TXNRD1: variants seen among roughly 807,000 people sequenced by gnomAD.
TXNRD1 encodes thioredoxin reductase 1.
In TXNRD1, 57 loss-of-function variants were observed where a neutral mutation model predicts 80.3. The observed-to-expected ratio is 0.71, with a 90% confidence interval of 0.57 to 0.89. TXNRD1 has a LOEUF of 0.89. TXNRD1 is among the 40% of genes least tolerant of loss of function. The probability of loss-of-function intolerance (pLI) is 0.00; values close to 1 mark genes in which losing one functional copy is unlikely to be tolerated. For missense variants in TXNRD1, 730 were observed against 803.0 expected (o/e 0.91, Z 1.10); for synonymous variants, 291 against 285.2 (o/e 1.02, Z -0.20).
chr12:104,243,242 T>G (rs2032912506), intron 1 of TXNRD1, among the ~76,000 whole-genome samples: 1 of 152,196 alleles, frequency 6.6e-6, no homozygotes, highest in Admixed American at 6.5e-5. Flanking sequence ...AGAAATTCAT[T>G]ATCATGTCCT....
At chr12:104,268,050 C>T (rs2033572652) in intron 3 of TXNRD1, among the ~76,000 whole-genome samples, 1 of 151,430 alleles carries the variant, frequency 6.6e-6, no homozygotes, top group Non-Finnish European at 1.5e-5. Context: ...AGGGTTTCAT[C>T]ATGTTGTCCA....
chr12:104,291,119 A>G (rs2034190600), intron 4 of TXNRD1: 1 of 629,442 alleles, frequency 1.6e-6, no homozygotes, highest in Non-Finnish European at 2.8e-6. Flanking sequence ...AGTGCCATGA[A>G]TGAAAAGCAT....
chr12:104,333,405 ATTAC>A (rs1372253263), intron 14 of TXNRD1, among the ~76,000 whole-genome samples: 2 of 152,014 alleles, frequency 1.3e-5, no homozygotes, highest in Admixed American at 1.3e-4. Flanking sequence ...AGAGGAAACA[ATTAC>A]TTATGGAGTT....
chr12:104,290,753 A>ATATATATATATG (rs1315195074), intron 4 of TXNRD1, among the ~76,000 whole-genome samples: 99 of 113,954 alleles, frequency 8.7e-4, no homozygotes, highest in Non-Finnish European at 1.5e-3. Context: ...ATATATATAT[A>ATATATATATATG]TATATGTATA....
In TXNRD1 at chr12:104,255,983, G is replaced by C. The variant is rs959617000; in HGVS notation, c.244-2036G>C. 7.8e-4 allele frequency among the ~76,000 whole-genome samples: 118 copies of C among 152,186 alleles called. 1 individual carries two copies. Among genetic ancestry groups the C allele is most frequent in the Non-Finnish European group, 1.0e-3 (68 of 68,032 alleles). On this transcript the variant is annotated intron_variant, in intron 2 of 16. Coordinates refer to ENST00000525566, the MANE Select transcript of TXNRD1 (RefSeq NM_001093771.3). ...GTCTTTGGCCATGAAAGATGATTAG[G>C]TGCTTTTCCTGGTAAAGTGGTGAAT...
chr12:104,220,743 TGG>T (rs1472326774), intron 1 of TXNRD1, among the ~76,000 whole-genome samples: 2 of 7,786 alleles, frequency 2.6e-4, no homozygotes, highest in African/African-American at 2.4e-3. Flanking sequence ...AAAAAAACGG[TGG>T]GGGGGAGGCG....
chr12:104,314,747 T>C (rs2035261954), intron 6 of TXNRD1, among the ~76,000 whole-genome samples: 4 of 145,962 alleles, frequency 2.7e-5, no homozygotes, highest in Admixed American at 1.4e-4. Flanking sequence ...TCTTTTTTTT[T>C]TTTTTTTTTT....
At chr12:104,336,485 T>C (rs1397314342) in intron 15 of TXNRD1, among the ~76,000 whole-genome samples, 1 of 152,246 alleles carries the variant, frequency 6.6e-6, no homozygotes, top group Admixed American at 6.5e-5. Context: ...GTCACTTGAC[T>C]TCAGTGTCTA....
In TXNRD1 at chr12:104,215,925, G is replaced by A. The variant is rs1475378515; in HGVS notation, c.91+32G>A. On this transcript the variant is annotated intron_variant, in intron 1 of 16. Transcript: ENST00000525566. ...CCGAGGGCGAAGGCCTGGTCCCCAG[G>A]TCGACGGGCCGAAGCGGGCCTTCCG... is the stretch of plus-strand genomic sequence containing the variant. 13 of 1,530,186 alleles carry A rather than the reference G, an allele frequency of 8.5e-6. No homozygotes were observed. In the South Asian group the frequency reaches 1.3e-4, roughly 16 times the overall value. 94.8% of individuals were successfully genotyped at this position (1,530,186 alleles called of 1,614,324 possible).
intron 2 of TXNRD1, among the ~76,000 whole-genome samples, chr12:104,253,692 GT>G (rs993365928): frequency 7.3e-5 from 11 of 151,644 alleles, no homozygotes; most frequent in African/African-American, 2.2e-4. Context: ...CTTATTGAGG[GT>G]TTTTTTGTTT....
rs188277374 is a variant in TXNRD1 at position 104,338,235 on chromosome 12, C to T, written c.1747-904C>T. On this transcript the variant is annotated intron_variant, in intron 15 of 16. Coordinates refer to ENST00000525566, the MANE Select transcript of TXNRD1 (RefSeq NM_001093771.3). ...TCCAGAACATTTTGGTGATTAAAGA[C>T]TTGTAGGCATCTTTGCCTTTTGTAT... 4.6e-5 allele frequency among the ~76,000 whole-genome samples: 7 copies of T among 152,056 alleles called. No homozygotes were observed. In the East Asian group the frequency reaches 1.2e-3, roughly 25 times the overall value.
rs11484262 is a variant in TXNRD1 at position 104,308,898 on chromosome 12, C to CTT, written c.415-2376_415-2375dup. Among the ~76,000 whole-genome samples, 812 of 129,704 alleles carry CTT rather than the reference C, an allele frequency of 6.3e-3. 15 individuals carry two copies. Among genetic ancestry groups the CTT allele is most frequent in the East Asian group, 0.013 (58 of 4,546 alleles). The allele number at this position is 129,704 out of a possible 152,430, so 85.1% of individuals were successfully genotyped here. On this transcript the variant is annotated intron_variant, in intron 4 of 16. Coordinates refer to ENST00000525566, the MANE Select transcript of TXNRD1 (RefSeq NM_001093771.3). ...GGTTAAAATTTTAAAAACAATGTTTCTTTTTTTTTTTTTTTTTGAGACGGA... is the reference window on the plus strand; with the variant it reads ...GGTTAAAATTTTAAAAACAATGTTTCTTTTTTTTTTTTTTTTTTTGAGACGGA...
At chr12:104,278,561 G>A (rs1486406209) in intron 3 of TXNRD1, among the ~76,000 whole-genome samples, 3 of 140,704 alleles carry the variant, frequency 2.1e-5, no homozygotes, top group African/African-American at 8.1e-5. Flanking sequence ...GAGTGCAGTG[G>A]TGCCGTCTTG....
intron 4 of TXNRD1, among the ~76,000 whole-genome samples, chr12:104,289,904 TGCTGGCCAG>T (rs1377465904): frequency 6.6e-6 from 1 of 152,268 alleles, no homozygotes; most frequent in African/African-American, 2.4e-5. Context: ...AGCTTCACCA[TGCTGGCCAG>T]GCTGGTCTCA....
At chr12:104,255,221 T>C (rs1260054404) in intron 2 of TXNRD1, among the ~76,000 whole-genome samples, 1 of 152,188 alleles carries the variant, frequency 6.6e-6, no homozygotes, top group Non-Finnish European at 1.5e-5. Context: ...GGATTGCTAC[T>C]AGTGGTAGAT....
At chr12:104,332,093 G>T (rs1050376115) in intron 14 of TXNRD1, among the ~76,000 whole-genome samples, 9 of 151,954 alleles carry the variant, frequency 5.9e-5, no homozygotes, top group Non-Finnish European at 5.9e-5. Context: ...AAAATGAAAA[G>T]AAAAAATAAA....
intron 1 of TXNRD1, among the ~76,000 whole-genome samples, chr12:104,221,770 A>T (rs1332121088): frequency 6.6e-6 from 1 of 152,216 alleles, no homozygotes; most frequent in Non-Finnish European, 1.5e-5. Flanking sequence ...TGTCTGTTAG[A>T]TGAAAAACTG....
chr12:104,220,669 G>C (rs1166827974), intron 1 of TXNRD1, among the ~76,000 whole-genome samples: 1 of 147,646 alleles, frequency 6.8e-6, no homozygotes, highest in Non-Finnish European at 1.5e-5. Context: ...AGGTTGCAGT[G>C]AGCTGAGGTC....
chr12:104,348,575 G>C lies in TXNRD1; in HGVS notation c.*154G>C, dbSNP rs1051352346. 7 of 647,870 alleles carry C rather than the reference G, an allele frequency of 1.1e-5. No homozygotes were observed. The highest frequency in any genetic ancestry group is 1.6e-5 in the Non-Finnish European group (6 of 374,888). 40.1% of individuals were successfully genotyped at this position (647,870 alleles called of 1,614,324 possible). On this transcript the variant is annotated 3_prime_UTR_variant, in exon 17 of 17. Transcript: ENST00000525566. ...AAGGCCCCCTTGGATCTCTTGGATA[G>C]GAGTTGGTGAATAGAAGGCAGGCAG...
Sources: gnomAD v4.1 joint callset for allele counts (sites outside exome capture counted in the v4.1 genomes callset) on GRCh38, gnomAD v4.1.1 for gene constraint, MANE v1.5 for transcripts, NCBI Gene and HGNC (gene_info 2026-07-23, HGNC 2026-07-21) for gene names.